Variants in ZNF892 observed in about 807,000 individuals in gnomAD.
ZNF892 encodes the protein zinc finger protein 892.
At chr2:95,224,005 G>C in the ZNF892 span, among the ~76,000 whole-genome samples, 3 of 152,308 alleles carry the variant, frequency 2.0e-5, no homozygotes, top group South Asian at 2.1e-4. Flanking sequence ...GCCCCAAACA[G>C]ATCACTCACC....
the ZNF892 span, among the ~76,000 whole-genome samples, chr2:95,261,846 G>A: frequency 3.9e-5 from 6 of 152,180 alleles, no homozygotes; most frequent in African/African-American, 1.4e-4. Flanking sequence ...CCTCATTTGC[G>A]ACTGGTCATG....
chr2:95,224,625 A>G, the ZNF892 span, among the ~76,000 whole-genome samples: 1 of 152,144 alleles, frequency 6.6e-6, no homozygotes, highest in Admixed American at 6.5e-5. Flanking sequence ...TGCCCTCATG[A>G]TCCAATCGCC....
the ZNF892 span, among the ~76,000 whole-genome samples, chr2:95,250,758 T>C: frequency 6.3e-4 from 91 of 145,226 alleles, no homozygotes; most frequent in African/African-American, 2.0e-3. Flanking sequence ...ATCCATAAAT[T>C]ATAAATTTAT....
chr2:95,241,491 G>A, the ZNF892 span, among the ~76,000 whole-genome samples: 1 of 152,010 alleles, frequency 6.6e-6, no homozygotes, highest in African/African-American at 2.4e-5. Flanking sequence ...CCATTCAAAG[G>A]TCAGCAACCT....
chr2:95,223,520 TC>T, the ZNF892 span, among the ~76,000 whole-genome samples: 1 of 151,996 alleles, frequency 6.6e-6, no homozygotes, highest in Non-Finnish European at 1.5e-5. Context: ...CACCTCAGTC[TC>T]TCGAGTAGCT....
chr2:95,210,952 GC>G, the ZNF892 span, among the ~76,000 whole-genome samples: 9 of 152,122 alleles, frequency 5.9e-5, no homozygotes, highest in Non-Finnish European at 1.2e-4. Context: ...GGAATAGGAA[GC>G]AGGATGTGTA....
At chr2:95,231,760 T>A in the ZNF892 span, among the ~76,000 whole-genome samples, 1 of 152,018 alleles carries the variant, frequency 6.6e-6, no homozygotes, top group African/African-American at 2.4e-5. Context: ...TTGGTTTTAC[T>A]TTTTTTTAGG....
At chr2:95,250,496 A>C in the ZNF892 span, among the ~76,000 whole-genome samples, 1 of 149,396 alleles carries the variant, frequency 6.7e-6, no homozygotes, top group African/African-American at 2.4e-5. Context: ...TTATGTAATA[A>C]ATGTTTATTA....
chr2:95,259,089 C>G, the ZNF892 span: 1 of 152,074 alleles, frequency 6.6e-6, no homozygotes. Flanking sequence ...ATTCTCTTGG[C>G]GACAACTCCC....
chr2:95,226,542 C>T, the ZNF892 span, among the ~76,000 whole-genome samples: 38 of 152,264 alleles, frequency 2.5e-4, no homozygotes, highest in African/African-American at 8.4e-4. Context: ...TGTGAGCTTA[C>T]GTTTTACTGG....
At chr2:95,248,313 A>C in the ZNF892 span, among the ~76,000 whole-genome samples, 1 of 152,248 alleles carries the variant, frequency 6.6e-6, no homozygotes, top group African/African-American at 2.4e-5. Flanking sequence ...AGATGAAAAC[A>C]ATAGATGTTG....
the ZNF892 span, among the ~76,000 whole-genome samples, chr2:95,254,510 G>A: frequency 3.1e-4 from 47 of 152,236 alleles, no homozygotes; most frequent in South Asian, 8.3e-4. Context: ...TTTTTGCGTC[G>A]ATGTTCATCA....
the ZNF892 span, among the ~76,000 whole-genome samples, chr2:95,241,249 G>A: frequency 6.6e-6 from 1 of 152,156 alleles, no homozygotes; most frequent in Non-Finnish European, 1.5e-5. Context: ...CCGGCAACAG[G>A]TCAGCACCCC....
the ZNF892 span, among the ~76,000 whole-genome samples, chr2:95,220,245 C>T: frequency 6.6e-6 from 1 of 152,000 alleles, no homozygotes; most frequent in African/African-American, 2.4e-5. Flanking sequence ...TAGCTTTCTT[C>T]TGTGGTCTTT....
chr2:95,258,515 G>T, the ZNF892 span, among the ~76,000 whole-genome samples: 1 of 152,224 alleles, frequency 6.6e-6, no homozygotes, highest in Non-Finnish European at 1.5e-5. Context: ...ATTGGGAACA[G>T]ATGTGGGTTA....
At chr2:95,243,333 C>T in the ZNF892 span, among the ~76,000 whole-genome samples, 1 of 150,982 alleles carries the variant, frequency 6.6e-6, no homozygotes, top group Admixed American at 6.6e-5. Context: ...GTGAGGAGCC[C>T]CTCTGCCTGG....
chr2:95,207,823 C>T, the ZNF892 span: 1 of 398,574 alleles, frequency 2.5e-6, no homozygotes, highest in African/African-American at 2.1e-5. Flanking sequence ...TCCATGGAAC[C>T]TGAGGGCAGA....
the ZNF892 span, among the ~76,000 whole-genome samples, chr2:95,247,400 G>A: frequency 6.6e-6 from 1 of 152,080 alleles, no homozygotes; most frequent in African/African-American, 2.4e-5. Flanking sequence ...CAAAGTATAA[G>A]AATCCTAGAA....
chr2:95,230,787 G>A, the ZNF892 span, among the ~76,000 whole-genome samples: 2 of 152,292 alleles, frequency 1.3e-5, no homozygotes, highest in East Asian at 1.9e-4. Flanking sequence ...AAGCTCTGGG[G>A]GTTGCTCTTA....
Sources: allele counts gnomAD v4.1 joint callset (sites outside exome capture counted in the v4.1 genomes callset), GRCh38; gene constraint gnomAD v4.1.1; transcripts MANE v1.5; gene names NCBI Gene and HGNC (gene_info 2026-07-23, HGNC 2026-07-21).